KIAA2012: variants seen among roughly 807,000 people sequenced by gnomAD.
KIAA2012 encodes KIAA2012.
Under a neutral mutation model 150.6 loss-of-function variants are expected in KIAA2012, and 125 were observed. The observed-to-expected ratio is 0.83, with a 90% CI of 0.72 to 0.96. The LOEUF (loss-of-function observed/expected upper bound fraction) is 0.96, where lower values mean the gene tolerates loss of function less well. Ranked by LOEUF, KIAA2012 falls within the 40% of genes least tolerant of loss-of-function variation. KIAA2012 has a pLI of 0.00. For synonymous variants in KIAA2012, 462 were observed against 504.7 expected (o/e 0.92, Z 1.13); for missense variants, 1,219 against 1,354.9 (o/e 0.90, Z 1.57).
intron 13 of KIAA2012, among the ~76,000 whole-genome samples, chr2:202,152,703 T>TA (rs959052457): frequency 1.6e-4 from 25 of 152,208 alleles, no homozygotes; most frequent in African/African-American, 5.1e-4. Flanking sequence ...GCTGAGATGA[T>TA]AAAAAAATTG....
At chr2:202,077,182 C>G (rs887903515) in intron 2 of KIAA2012, 1 of 382,284 alleles carries the variant, frequency 2.6e-6, no homozygotes. Context: ...AATGTTGCCC[C>G]CCCAGCTGTT....
intron 3 of KIAA2012, among the ~76,000 whole-genome samples, chr2:202,092,556 G>A (rs190452904): frequency 8.5e-5 from 13 of 152,222 alleles, no homozygotes; most frequent in African/African-American, 2.9e-4. Flanking sequence ...CTTTTAAAAG[G>A]GCCCAAGTCT....
At chr2:202,092,756 C>T (rs1336205130) in intron 3 of KIAA2012, among the ~76,000 whole-genome samples, 1 of 152,092 alleles carries the variant, frequency 6.6e-6, no homozygotes, top group Non-Finnish European at 1.5e-5. Flanking sequence ...AAGCAGCAGC[C>T]ATGCTCCTTC....
chr2:202,106,223 A>T (rs1194333495), intron 9 of KIAA2012, among the ~76,000 whole-genome samples: 1 of 152,180 alleles, frequency 6.6e-6, no homozygotes, highest in Non-Finnish European at 1.5e-5. Context: ...TGTCCAGCTC[A>T]CCAATTACTT....
chr2:202,188,903 T>C lies in KIAA2012; in HGVS notation c.2491+637T>C, dbSNP rs191919488. 4.2e-3 allele frequency among the ~76,000 whole-genome samples: 646 copies of C among 152,318 alleles called. 4 individuals are homozygous for C. The highest frequency in any genetic ancestry group is 8.0e-3 in the Non-Finnish European group (541 of 68,034). On this transcript the variant is annotated intron_variant, in intron 18 of 23. Coordinates refer to ENST00000498697, the MANE Select transcript of KIAA2012 (RefSeq NM_001277372.4). ...CTCGGATTCCTTTGCTTCTGAACAC[T>C]TTCTTTAGCCTAAAACTTACACCCA... is the stretch of plus-strand genomic sequence containing the variant.
In KIAA2012 at chr2:202,156,481, C is replaced by T. The variant is rs185758176; in HGVS notation, c.2046+1671C>T. Among the ~76,000 whole-genome samples, 3 of 152,212 alleles carry T rather than the reference C, an allele frequency of 2.0e-5. No homozygotes were observed. In the East Asian group the frequency reaches 5.8e-4, roughly 29 times the overall value. ...TGGCAGTTTCTGGGCATTTGGGATA[C>T]ATCAGTAAACAAAACAGACCAAGAT... is the stretch of plus-strand genomic sequence containing the variant. On this transcript the variant is annotated intron_variant, in intron 14 of 23. Coordinates refer to ENST00000498697, the MANE Select transcript of KIAA2012 (RefSeq NM_001277372.4).
chr2:202,073,933 T>C (rs1489484678), intron 1 of KIAA2012, among the ~76,000 whole-genome samples: 5 of 151,786 alleles, frequency 3.3e-5, no homozygotes, highest in Non-Finnish European at 7.4e-5. Context: ...CCCTTGTAGC[T>C]GTCTTTGCTT....
intron 20 of KIAA2012, among the ~76,000 whole-genome samples, chr2:202,193,821 C>T (rs1692361873): frequency 1.3e-5 from 2 of 152,224 alleles, no homozygotes; most frequent in Non-Finnish European, 2.9e-5. Flanking sequence ...CCAGAAAACA[C>T]TTGTCAAGCC....
intron 14 of KIAA2012, among the ~76,000 whole-genome samples, chr2:202,163,800 TTTTTTTTTC>T (rs1466764377): frequency 4.7e-4 from 44 of 93,800 alleles, no homozygotes; most frequent in African/African-American, 1.7e-3. Context: ...TTTTTTTTTT[TTTTTTTTTC>T]CTGTACCAGG....
At chr2:202,161,394 T>C (rs1691654036) in intron 14 of KIAA2012, among the ~76,000 whole-genome samples, 1 of 152,180 alleles carries the variant, frequency 6.6e-6, no homozygotes, top group Non-Finnish European at 1.5e-5. Flanking sequence ...CCATTGGCCC[T>C]CTGGTTAAAT....
chr2:202,094,932 G>A (rs1689826896), intron 4 of KIAA2012, among the ~76,000 whole-genome samples: 1 of 152,160 alleles, frequency 6.6e-6, no homozygotes, highest in Admixed American at 6.5e-5. Context: ...AAACAAAGAG[G>A]CTGTATCAAA....
Position 202,105,866 on chromosome 2 carries a change from T to G in KIAA2012, c.1430T>G (p.Val477Gly). 6.4e-7 allele frequency: 1 copy of G among 1,550,840 alleles called. No individual in the cohort carries two copies. The highest frequency in any genetic ancestry group is 8.7e-7 in the Non-Finnish European group (1 of 1,147,046). The change falls in exon 9 of 24, where the codon GTG (valine) becomes GGG (glycine). Residue 477 changes from valine to glycine, a missense_variant. By Grantham distance (109) the Val-to-Gly change is moderately radical. Transcript: ENST00000498697. Reference sequence around the variant, plus strand: ...TTAGAAACACCATGGGAGTTAACAGTGCATCTCCCAGTGGACGCGAGCAGG... The same window carrying G: ...TTAGAAACACCATGGGAGTTAACAGGGCATCTCCCAGTGGACGCGAGCAGG... ...ASLETPWELTVHLPVDASRDT... is the reference protein window; with the variant it reads ...ASLETPWELTGHLPVDASRDT...
At chr2:202,120,767 C>T (rs1490415712) in intron 11 of KIAA2012, among the ~76,000 whole-genome samples, 1 of 152,168 alleles carries the variant, frequency 6.6e-6, no homozygotes, top group Non-Finnish European at 1.5e-5. Flanking sequence ...AGATCCCCCT[C>T]ATCTACCTCT....
At chr2:202,084,423 T>C (rs1689516711) in intron 2 of KIAA2012, among the ~76,000 whole-genome samples, 1 of 152,156 alleles carries the variant, frequency 6.6e-6, no homozygotes, top group African/African-American at 2.4e-5. Context: ...AGAGACCTCA[T>C]ATGCATCAGG....
intron 15 of KIAA2012, among the ~76,000 whole-genome samples, chr2:202,180,707 C>G (rs2105737748): frequency 6.6e-6 from 1 of 152,196 alleles, no homozygotes; most frequent in East Asian, 1.9e-4. Context: ...TGCGTGTAAC[C>G]CCTGCTGCTC....
chr2:202,144,742 A>G (rs1691263965), intron 13 of KIAA2012, among the ~76,000 whole-genome samples: 1 of 152,216 alleles, frequency 6.6e-6, no homozygotes, highest in Non-Finnish European at 1.5e-5. Context: ...CTGTAATCCC[A>G]GCACTTTGGG....
At chr2:202,074,663 C>G (rs1052130890) in intron 1 of KIAA2012, among the ~76,000 whole-genome samples, 1 of 152,158 alleles carries the variant, frequency 6.6e-6, no homozygotes, top group African/African-American at 2.4e-5. Context: ...ACATGACTCT[C>G]CTGAAAGTTG....
intron 14 of KIAA2012, among the ~76,000 whole-genome samples, chr2:202,164,299 C>G (rs952512542): frequency 2.0e-5 from 3 of 152,192 alleles, no homozygotes; most frequent in African/African-American, 7.2e-5. Flanking sequence ...GAGCATGATT[C>G]TCAGTCCTGG....
chr2:202,168,203 A>G (rs1191079857), intron 15 of KIAA2012, among the ~76,000 whole-genome samples: 1 of 151,924 alleles, frequency 6.6e-6, no homozygotes, highest in African/African-American at 2.4e-5. Context: ...GGTGGATCAC[A>G]AGGTCAAGAG....
Sources: allele counts gnomAD v4.1 joint callset (sites outside exome capture counted in the v4.1 genomes callset), GRCh38; gene constraint gnomAD v4.1.1; transcripts MANE v1.5; gene names NCBI Gene and HGNC (gene_info 2026-07-23, HGNC 2026-07-21).